Variants in ONECUT2 observed in about 807,000 individuals in gnomAD.
ONECUT2 encodes the protein one cut domain family member 2.
Under a neutral mutation model 27.9 loss-of-function variants are expected in ONECUT2, and 10 were observed. That is an observed-to-expected ratio of 0.36 (90% CI 0.22 to 0.61). The LOEUF (loss-of-function observed/expected upper bound fraction) is 0.61. Ranked by LOEUF, ONECUT2 falls within the 20% of genes least tolerant of loss-of-function variation. The pLI, the probability that ONECUT2 is intolerant of heterozygous loss-of-function variation, is 0.73. For missense variants in ONECUT2, 686 were observed against 721.0 expected (o/e 0.95, Z 0.56); for synonymous variants, 334 against 315.1 (o/e 1.06, Z -0.64).
chr18:57,457,577 G>C (rs2050266711), intron 1 of ONECUT2, among the ~76,000 whole-genome samples: 1 of 152,144 alleles, frequency 6.6e-6, no homozygotes, highest in Admixed American at 6.5e-5. Context: ...TGCATCCAAA[G>C]GTCAGTTGTG....
rs1264370977 is a variant in ONECUT2 at position 57,477,713 on chromosome 18, A to G, written c.*990A>G. On this transcript the variant is annotated 3_prime_UTR_variant, in exon 2 of 2. Coordinates refer to ENST00000491143, the MANE Select transcript of ONECUT2 (RefSeq NM_004852.3). ...GCGAATGCAGCATTTTAAAAGATCT[A>G]GGTTTTTTTAGGTCATTAATGTGTC... 1 of 152,608 alleles carries G rather than the reference A, an allele frequency of 6.6e-6. No homozygotes were observed. The allele number at this position is 152,608 out of a possible 1,614,324, so 9.5% of individuals were successfully genotyped here.
chr18:57,444,387 C>T (rs1345350690), intron 1 of ONECUT2: 3 of 456,608 alleles, frequency 6.6e-6, no homozygotes, highest in Non-Finnish European at 1.3e-5. Flanking sequence ...TTTGGAGAGG[C>T]CACAGGCAGC....
chr18:57,452,296 T>C (rs1394837104), intron 1 of ONECUT2, among the ~76,000 whole-genome samples: 1 of 152,210 alleles, frequency 6.6e-6, no homozygotes, highest in African/African-American at 2.4e-5. Context: ...GCCTAACACA[T>C]AGTTTGCACT....
At chr18:57,461,823 A>C (rs1270016352) in intron 1 of ONECUT2, among the ~76,000 whole-genome samples, 1 of 152,238 alleles carries the variant, frequency 6.6e-6, no homozygotes, top group Non-Finnish European at 1.5e-5. Context: ...AGCCAGACAA[A>C]GCCCTCAGGC....
At chr18:57,441,674 AG>A (rs985796235) in intron 1 of ONECUT2, among the ~76,000 whole-genome samples, 2 of 152,252 alleles carry the variant, frequency 1.3e-5, no homozygotes, top group African/African-American at 4.8e-5. Context: ...CTGGTGACTA[AG>A]CCCAAGTTTG....
At chr18:57,439,057 G>T (rs1452848545) in intron 1 of ONECUT2, among the ~76,000 whole-genome samples, 2 of 152,232 alleles carry the variant, frequency 1.3e-5, no homozygotes, top group Non-Finnish European at 2.9e-5. Flanking sequence ...TCAGAGCGCT[G>T]CCGCCCCCTC....
intron 1 of ONECUT2, among the ~76,000 whole-genome samples, chr18:57,446,444 T>G (rs1354395936): frequency 2.0e-5 from 3 of 152,126 alleles, no homozygotes; most frequent in African/African-American, 7.2e-5. Flanking sequence ...CCTCCAAACA[T>G]GGCTGGGGGG....
intron 1 of ONECUT2, among the ~76,000 whole-genome samples, chr18:57,475,960 A>G (rs1318350505): frequency 6.6e-6 from 1 of 152,198 alleles, no homozygotes; most frequent in East Asian, 1.9e-4. Context: ...TCACATGGGT[A>G]GAAGCTTTGA....
intron 1 of ONECUT2, among the ~76,000 whole-genome samples, chr18:57,447,546 G>A (rs2050207306): frequency 6.6e-6 from 1 of 152,198 alleles, no homozygotes; most frequent in Admixed American, 6.5e-5. Context: ...AAGAGGAAGA[G>A]CATTACCACC....
At chr18:57,466,913 A>T (rs1352467030) in intron 1 of ONECUT2, among the ~76,000 whole-genome samples, 2 of 152,196 alleles carry the variant, frequency 1.3e-5, no homozygotes, top group African/African-American at 2.4e-5. Context: ...CAGAAGTAAG[A>T]GGTACATCTC....
chr18:57,464,138 G>A (rs963063381), intron 1 of ONECUT2, among the ~76,000 whole-genome samples: 5 of 152,040 alleles, frequency 3.3e-5, no homozygotes, highest in Admixed American at 6.6e-5. Context: ...TAAGTAATTT[G>A]CTTAATCCTC....
At chr18:57,461,252 T>G (rs999958153) in intron 1 of ONECUT2, among the ~76,000 whole-genome samples, 2 of 152,216 alleles carry the variant, frequency 1.3e-5, no homozygotes, top group African/African-American at 4.8e-5. Flanking sequence ...CATGCTGTTA[T>G]GTGTTGCTGC....
intron 1 of ONECUT2, among the ~76,000 whole-genome samples, chr18:57,447,835 C>T (rs1474301330): frequency 2.6e-5 from 4 of 152,202 alleles, no homozygotes; most frequent in Admixed American, 1.3e-4. Flanking sequence ...GGAGCATCAC[C>T]ACCTTCGATA....
rs1366484581 is a variant in ONECUT2, at chr18:57,485,131, T to G, written c.*8408T>G. 1 of 152,184 alleles carries G rather than the reference T, an allele frequency of 6.6e-6. No homozygotes were observed. The highest frequency in any genetic ancestry group is 2.4e-5 in the African/African-American group (1 of 41,450). The allele number at this position is 152,184 out of a possible 1,614,324, so 9.4% of individuals were successfully genotyped here. A position where few individuals can be genotyped will look rare whatever the true frequency, so the allele number is the denominator to read the frequency against. The stretch of plus-strand genomic sequence containing the variant: ...AGCATTGTATAGATAACTTTTTAAT[T>G]CAGTAGGAGGAGAAAGTTCATTCTT... On this transcript the variant is annotated 3_prime_UTR_variant, in exon 2 of 2. Transcript: ENST00000491143.
Position 57,479,497 on chromosome 18 carries a change from T to C in ONECUT2, c.*2774T>C, listed in dbSNP as rs1232325916. On this transcript the variant is annotated 3_prime_UTR_variant, in exon 2 of 2. Coordinates refer to ENST00000491143, the MANE Select transcript of ONECUT2 (RefSeq NM_004852.3). ...TTTCTCATGCCATTCCAGAGTTAAT[T>C]TGCCACTGTGGATGATTTGAAGTAT... is the stretch of plus-strand genomic sequence containing the variant. The C allele has an allele frequency of 6.6e-6, 1 of 152,620 alleles. No homozygotes were observed. Among genetic ancestry groups the C allele is most frequent in the Admixed American group, 6.5e-5 (1 of 15,276 alleles). 9.5% of individuals were successfully genotyped at this position (152,620 alleles called of 1,614,324 possible).
chr18:57,480,874 G>T lies in ONECUT2; in HGVS notation c.*4151G>T, dbSNP rs2050412252. The T allele has an allele frequency of 6.6e-6, 1 of 152,080 alleles. No individual in the cohort carries two copies. Among genetic ancestry groups the T allele is most frequent in the African/African-American group, 2.4e-5 (1 of 41,412 alleles). The allele number at this position is 152,080 out of a possible 1,614,324, so 9.4% of individuals were successfully genotyped here. On this transcript the variant is annotated 3_prime_UTR_variant, in exon 2 of 2. Transcript: ENST00000491143. ...AATTTCAGAGAAAATAACCATTTGGGTGTGGTTATAGTTTAGTATCCATTA... is the reference window on the plus strand; with the variant it reads ...AATTTCAGAGAAAATAACCATTTGGTTGTGGTTATAGTTTAGTATCCATTA...
chr18:57,436,173 C>T lies in ONECUT2; in HGVS notation c.457C>T (p.Pro153Ser). Reference protein sequence around the residue: ...GMSNTYTTLTPLQPLPPISTV... With the variant: ...GMSNTYTTLTSLQPLPPISTV... ...GAGCAACACCTACACCACGCTGACA[C>T]CGCTCCAGCCGCTGCCACCCATCTC... Residue 153 changes from proline to serine, a missense_variant, in exon 1 of 2, where the codon CCG (proline) becomes TCG (serine). By Grantham distance (74) the Pro-to-Ser change is moderately conservative. Transcript: ENST00000491143. This position sits in a 1 kb window ranked among gnomAD's most constrained non-coding sequence, Gnocchi z 5.9. The T allele has an allele frequency of 6.2e-7, 1 of 1,606,104 alleles. No homozygotes were observed. The highest frequency in any genetic ancestry group is 1.7e-4 in the Middle Eastern group (1 of 6,054).
chr18:57,442,243 G>GTTTTT, intron 1 of ONECUT2, among the ~76,000 whole-genome samples: 2 of 127,510 alleles, frequency 1.6e-5, no homozygotes, highest in East Asian at 2.2e-4. Context: ...AATTCTTCTG[G>GTTTTT]GTTTTTTTTT....
intron 1 of ONECUT2, among the ~76,000 whole-genome samples, chr18:57,475,758 T>C (rs2050378779): frequency 6.6e-6 from 1 of 152,074 alleles, no homozygotes; most frequent in Admixed American, 6.5e-5. Flanking sequence ...CCTCATCCCC[T>C]GTCTTGTACT....
Sources: allele counts gnomAD v4.1 joint callset (sites outside exome capture counted in the v4.1 genomes callset), GRCh38; gene constraint gnomAD v4.1.1; non-coding constraint Gnocchi (gnomAD v3.1); transcripts MANE v1.5; gene names NCBI Gene and HGNC (gene_info 2026-07-23, HGNC 2026-07-21).